Variants in TRPA1 observed in about 807,000 individuals in gnomAD.
The protein encoded by TRPA1 is ankyrin-like with transmembrane domains 1.
In TRPA1, 129 loss-of-function variants were observed where a neutral mutation model predicts 131.3. The observed-to-expected ratio is 0.98, with a 90% CI of 0.85 to 1.14. The LOEUF is 1.14. Among genes scored for constraint, TRPA1 ranks in the 50% most tolerant of loss-of-function variants. The pLI is 0.00. For synonymous variants in TRPA1, 441 were observed against 451.7 expected (o/e 0.98, Z 0.30); for missense variants, 1,304 against 1,354.2 (o/e 0.96, Z 0.58).
upstream of TRPA1, among the ~76,000 whole-genome samples, chr8:72,079,431 T>C (rs1806249057): frequency 6.6e-6 from 1 of 151,922 alleles, no homozygotes; most frequent in Non-Finnish European, 1.5e-5. Flanking sequence ...TGCATATGGA[T>C]ATACAACTGT....
In TRPA1 at chr8:72,062,817, T is replaced by C. The variant is rs61758123; in HGVS notation, c.789A>G (p.Ala263=). The part of the protein sequence containing the change: ...EMIKMCLDNG[A]QIDPVEKGRC... ...GAGTTACCTCCACTGGGTCTATTTGTGCACCATTGTCCAGGCACATTTTGA... is the reference window on the plus strand; with the variant it reads ...GAGTTACCTCCACTGGGTCTATTTGCGCACCATTGTCCAGGCACATTTTGA... The change falls in exon 6 of 27, where the codon GCA becomes GCG. Residue 263 remains alanine, a synonymous_variant. Transcript: ENST00000262209. 11 of 1,613,946 alleles carry C rather than the reference T, an allele frequency of 6.8e-6. No homozygotes were observed. The East Asian group carries it at 2.5e-4, about 36-fold the overall frequency.
At chr8:72,060,401 T>G (rs1805779785) in intron 7 of TRPA1, 1 of 152,128 alleles carries the variant, frequency 6.6e-6, no homozygotes, top group Non-Finnish European at 1.5e-5. Context: ...GCTACCCACG[T>G]GATTCTAATG....
chr8:72,063,690 T>C (rs1458658924), intron 4 of TRPA1, 119 bp from the exon 5 acceptor site: 7 of 698,314 alleles, frequency 1.0e-5, no homozygotes, highest in African/African-American at 1.8e-5. Flanking sequence ...TAAAAGTACA[T>C]AGAGAGCTTC....
chr8:72,032,550 T>C (rs1448327276), intron 23 of TRPA1, among the ~76,000 whole-genome samples: 1 of 152,244 alleles, frequency 6.6e-6, no homozygotes, highest in East Asian at 1.9e-4. Flanking sequence ...CTGTTGGTTT[T>C]GATTTTCCTC....
intron 24 of TRPA1, among the ~76,000 whole-genome samples, chr8:72,028,411 C>T (rs1328060825): frequency 1.3e-5 from 2 of 152,232 alleles, no homozygotes; most frequent in African/African-American, 2.4e-5. Context: ...TTCCCTGGTT[C>T]TGATGTGGCC....
At chr8:72,053,205 C>T (rs189328791) in intron 13 of TRPA1, 1 of 204,810 alleles carries the variant, frequency 4.9e-6, no homozygotes, top group Non-Finnish European at 1.0e-5. Flanking sequence ...TGGGGCTTCA[C>T]AAGCTTGTAA....
chr8:72,030,240 T>A (rs1380662358), intron 23 of TRPA1, among the ~76,000 whole-genome samples: 1 of 152,142 alleles, frequency 6.6e-6, no homozygotes, highest in Non-Finnish European at 1.5e-5. Context: ...GCTAATAAGC[T>A]CCCTCATAGC....
intron 17 of TRPA1, among the ~76,000 whole-genome samples, chr8:72,039,999 T>C (rs73687845): frequency 0.019 from 2,923 of 152,230 alleles, 80 homozygotes; most frequent in East Asian, 0.082. Context: ...GGTAAAATTG[T>C]TTGATTCAGT....
chr8:72,046,529 G>C lies in TRPA1; in HGVS notation c.2045C>G (p.Pro682Arg). ...TGAACTTACGTTGAGGGCTGTAAGCGGTTCATATATAACATCCTGTGTAGG... is the reference window on the plus strand; with the variant it reads ...TGAACTTACGTTGAGGGCTGTAAGCCGTTCATATATAACATCCTGTGTAGG... The part of the protein sequence containing the change: ...KTPTQDVIYE[P>R]LTALNAMVQN... Residue 682 changes from proline to arginine, a missense_variant, in exon 17 of 27, where the codon CCG becomes CGG. Coordinates refer to ENST00000262209, the MANE Select transcript of TRPA1 (RefSeq NM_007332.3). 6.3e-7 allele frequency: 1 copy of C among 1,586,540 alleles called. No individual in the cohort carries two copies. Among genetic ancestry groups the C allele is most frequent in the East Asian group, 2.2e-5 (1 of 44,490 alleles).
intron 24 of TRPA1, chr8:72,029,636 T>C (rs545437613): frequency 1.1e-5 from 6 of 563,928 alleles, no homozygotes; most frequent in Admixed American, 3.0e-5. Flanking sequence ...CAGTAGAATC[T>C]GTACTTCAAA....
intron 22 of TRPA1, 57 bp downstream of exon 22, chr8:72,034,191 A>C (rs886183056): frequency 2.8e-6 from 4 of 1,451,190 alleles, no homozygotes; most frequent in Non-Finnish European, 2.8e-6. Flanking sequence ...TTTAAATATA[A>C]ATATATATTT....
chr8:72,064,868 C>T (rs1327631501), intron 4 of TRPA1, among the ~76,000 whole-genome samples: 1 of 151,972 alleles, frequency 6.6e-6, no homozygotes, highest in Non-Finnish European at 1.5e-5. Flanking sequence ...TCATCTCCAT[C>T]GCTTCACTGG....
intron 1 of TRPA1, among the ~76,000 whole-genome samples, chr8:72,073,472 C>T (rs922798269): frequency 6.6e-6 from 1 of 152,128 alleles, no homozygotes; most frequent in Admixed American, 6.5e-5. Context: ...CAAAAACCCT[C>T]TAGAGGTTAA....
chr8:72,029,107 A>G (rs770705304), intron 24 of TRPA1, among the ~76,000 whole-genome samples: 2 of 152,234 alleles, frequency 1.3e-5, no homozygotes, highest in Non-Finnish European at 2.9e-5. Context: ...ATACCTAGCC[A>G]GGAAACTTTG....
intron 17 of TRPA1, among the ~76,000 whole-genome samples, chr8:72,042,847 C>T (rs1384483237): frequency 1.3e-5 from 2 of 151,654 alleles, no homozygotes; most frequent in Admixed American, 1.3e-4. Flanking sequence ...ATATGAAGTA[C>T]CTAAGGTGGA....
intron 5 of TRPA1, 31 bp downstream of exon 5, chr8:72,063,432 T>C (rs765725029): frequency 7.0e-7 from 1 of 1,437,876 alleles, no homozygotes; most frequent in Non-Finnish European, 9.8e-7. Context: ...GACTTATTTA[T>C]AGTATATAAC....
At position 72,063,537 on chromosome 8, in the gene TRPA1, T is replaced by C. The variant is rs1805859647; in HGVS notation, c.587A>G (p.Lys196Arg). The C allele has an allele frequency of 6.2e-7, 1 of 1,613,762 alleles. No individual in the cohort carries two copies. The highest frequency in any genetic ancestry group is 8.5e-7 in the Non-Finnish European group (1 of 1,179,794). Residue 196 changes from lysine to arginine, a missense_variant, in exon 5 of 27, where the codon AAA (lysine) becomes AGA (arginine). Lys to Arg is a conservative substitution (Grantham distance 26). Transcript: ENST00000262209. ...TTGGTGAATAGGGAAACATCCCCAT[T>C]TATTTGATTTACATGGCTTAGCTCC... ...KKGAKPCKSNKWGCFPIHQAA... is the reference protein window; with the variant it reads ...KKGAKPCKSNRWGCFPIHQAA...
chr8:72,050,762 G>T lies in TRPA1; in HGVS notation c.1905+16C>A. On this transcript the variant is annotated intron_variant, in intron 15 of 26. Coordinates refer to ENST00000262209, the MANE Select transcript of TRPA1 (RefSeq NM_007332.3). The stretch of plus-strand genomic sequence containing the variant: ...CAAGCATAAACCCGGGAAGAATTTT[G>T]TTTTAGAGAATTTACCTTCATGCAT... 1.9e-6 allele frequency: 3 copies of T among 1,550,016 alleles called. No homozygotes were observed. The highest frequency in any genetic ancestry group is 8.9e-7 in the Non-Finnish European group (1 of 1,123,550).
intron 6 of TRPA1, 99 bp downstream of exon 6, chr8:72,062,700 T>C (rs1585883394): frequency 8.5e-7 from 1 of 1,174,874 alleles, no homozygotes; most frequent in East Asian, 2.4e-5. Flanking sequence ...ATTTCTTGTA[T>C]GTATTTCAAT....
Sources: allele counts gnomAD v4.1 joint callset (sites outside exome capture counted in the v4.1 genomes callset), GRCh38; gene constraint gnomAD v4.1.1; transcripts MANE v1.5; gene names NCBI Gene and HGNC (gene_info 2026-07-23, HGNC 2026-07-21).